The following CDC37 variants were observed in gnomAD, a reference collection of about 807,000 sequenced individuals.
The protein encoded by CDC37 is cell division cycle 37, HSP90 cochaperone.
A neutral mutation model predicts 46.9 loss-of-function variants in CDC37; 9 were observed. That is an observed-to-expected ratio of 0.19 (90% CI 0.12 to 0.33). The LOEUF (loss-of-function observed/expected upper bound fraction) is 0.33, where lower values mean the gene tolerates loss of function less well. CDC37 is among the 10% of genes least tolerant of loss of function. The probability of loss-of-function intolerance (pLI) is 1.00; values close to 1 mark genes in which losing one functional copy is unlikely to be tolerated. For missense variants in CDC37, 388 were observed against 514.6 expected, an observed-to-expected ratio of 0.75 and a Z score of 2.38; for synonymous variants, 193 against 191.0, an observed-to-expected ratio of 1.01 and a Z score of -0.09.
chr19:10,397,574 G>C (rs1436615022), intron 1 of CDC37, among the ~76,000 whole-genome samples: 1 of 151,902 alleles, frequency 6.6e-6, no homozygotes, highest in Non-Finnish European at 1.5e-5. Flanking sequence ...CCACGCCTGG[G>C]TAATTTTGTA....
In CDC37 at chr19:10,398,556, C is replaced by T. The variant is rs1213263982; in HGVS notation, c.103-2353G>A. On this transcript the variant is annotated intron_variant, in intron 1 of 7. Coordinates refer to ENST00000222005, the MANE Select transcript of CDC37 (RefSeq NM_007065.4). The surrounding 1 kb of genome is among the most constrained non-coding windows in gnomAD (Gnocchi z 4.2). ...TCAGTTTCCTCATCTGTCAAACAGT[C>T]AACAATGCTGACTGCACAAGCTCAT... Among the ~76,000 whole-genome samples, 1 of 152,212 alleles carries T rather than the reference C, an allele frequency of 6.6e-6. No individual in the cohort carries two copies. Among genetic ancestry groups the T allele is most frequent in the Non-Finnish European group, 1.5e-5 (1 of 68,048 alleles).
chr19:10,403,535 T>A lies in CDC37; in HGVS notation c.-56A>T, dbSNP rs752470815. 2 of 1,355,346 alleles carry A rather than the reference T, an allele frequency of 1.5e-6. No homozygotes were observed. Among genetic ancestry groups the A allele is most frequent in the East Asian group, 4.6e-5 (2 of 43,374 alleles). 84.0% of individuals were successfully genotyped at this position (1,355,346 alleles called of 1,614,324 possible). A position where few individuals can be genotyped will look rare whatever the true frequency, so the allele number is the denominator to read the frequency against. On this transcript the variant is annotated 5_prime_UTR_variant, in exon 1 of 8. Transcript: ENST00000222005. Reference sequence around the variant, plus strand: ...CGGGTGGCGGCGACGGCGGCAGCAGTGGAGACTAGGAGCGCGGAGCCCCGC... The same window carrying A: ...CGGGTGGCGGCGACGGCGGCAGCAGAGGAGACTAGGAGCGCGGAGCCCCGC...
At chr19:10,395,382 A>G (rs570835276) in intron 3 of CDC37, 39 bp from the exon 4 acceptor site, 4 of 1,602,994 alleles carry the variant, frequency 2.5e-6, no homozygotes, top group Non-Finnish European at 3.4e-6. Flanking sequence ...AGGGCCCTGG[A>G]GGCAAAGGGC....
chr19:10,395,617 G>C (rs983934835), intron 2 of CDC37, 74 bp from the exon 3 acceptor site: 1 of 1,183,572 alleles, frequency 8.4e-7, no homozygotes, highest in East Asian at 2.3e-5. Flanking sequence ...GGCGGGCCGT[G>C]GTCGCAGCGC....
At chr19:10,395,904 G>GGGGCC in intron 2 of CDC37, 24 bp downstream of exon 2, 6 of 1,541,892 alleles carry the variant, frequency 3.9e-6, no homozygotes, top group Non-Finnish European at 5.3e-6. Flanking sequence ...CATGCGCACT[G>GGGGCC]CCCGCCCCGC....
chr19:10,392,117 A>C (rs28668271), intron 7 of CDC37, among the ~76,000 whole-genome samples: 7,291 of 152,240 alleles, frequency 0.048, 577 homozygotes, highest in African/African-American at 0.17. Context: ...TTTAAATTTT[A>C]TTTAACTTTA....
intron 5 of CDC37, among the ~76,000 whole-genome samples, chr19:10,394,558 T>C (rs931063536): frequency 6.6e-6 from 1 of 152,020 alleles, no homozygotes; most frequent in Admixed American, 6.6e-5. Flanking sequence ...ATTTTTGAGA[T>C]GGAATTTCGC....
At position 10,398,811 on chromosome 19, in the gene CDC37, T is replaced by C. The variant is rs1295655746; in HGVS notation, c.103-2608A>G. 6.6e-6 allele frequency among the ~76,000 whole-genome samples: 1 copy of C among 152,166 alleles called. No individual in the cohort carries two copies. Among genetic ancestry groups the C allele is most frequent in the African/African-American group, 2.4e-5 (1 of 41,448 alleles). ...ATAACTGGGAGTGGTTGTTACTACATGGTCACAGCACCCGGCTGTGCCACT... is the reference window on the plus strand; with the variant it reads ...ATAACTGGGAGTGGTTGTTACTACACGGTCACAGCACCCGGCTGTGCCACT... On this transcript the variant is annotated intron_variant, in intron 1 of 7. Transcript: ENST00000222005. The surrounding 1 kb of genome is among the most constrained non-coding windows in gnomAD (Gnocchi z 4.2).
intron 7 of CDC37, chr19:10,392,758 C>T: frequency 2.5e-6 from 1 of 395,836 alleles, no homozygotes; most frequent in Non-Finnish European, 4.6e-6. Context: ...CAGCCCCTGC[C>T]ATGTGCTCAC....
In CDC37 at chr19:10,393,059, A is replaced by G; in HGVS notation, c.981+27T>C. On this transcript the variant is annotated intron_variant, in intron 7 of 7. Transcript: ENST00000222005. The surrounding 1 kb of genome is among the most constrained non-coding windows in gnomAD (Gnocchi z 4.9). Reference sequence around the variant, plus strand: ...TGGGGGAGACACACGGCCCGCCGGGAAGGCATGGGGCGCGGGGGTTACTCA... The same window carrying G: ...TGGGGGAGACACACGGCCCGCCGGGGAGGCATGGGGCGCGGGGGTTACTCA... 1 of 1,603,962 alleles carries G rather than the reference A, an allele frequency of 6.2e-7. No individual in the cohort carries two copies. The highest frequency in any genetic ancestry group is 8.5e-7 in the Non-Finnish European group (1 of 1,170,950).
intron 1 of CDC37, among the ~76,000 whole-genome samples, chr19:10,397,107 T>C (rs1233597192): frequency 6.6e-6 from 1 of 152,166 alleles, no homozygotes; most frequent in Non-Finnish European, 1.5e-5. Context: ...CATATGACAA[T>C]TATTTATCAC....
In CDC37 at chr19:10,396,585, C is replaced by CA. The variant is rs2042493737; in HGVS notation, c.103-383dup. Among the ~76,000 whole-genome samples, 1 of 151,980 alleles carries CA rather than the reference C, an allele frequency of 6.6e-6. No homozygotes were observed. Among genetic ancestry groups the CA allele is most frequent in the Admixed American group, 6.6e-5 (1 of 15,250 alleles). On this transcript the variant is annotated intron_variant, in intron 1 of 7. Transcript: ENST00000222005. This position sits in a 1 kb window ranked among gnomAD's most constrained non-coding sequence, Gnocchi z 5.9. ...TTTAAGAAAACAAAACAAAACAAAA[C>CA]AAAAAACAGGGTCTCACTCTGTCGT...
intron 1 of CDC37, among the ~76,000 whole-genome samples, chr19:10,400,040 T>C (rs1391278475): frequency 2.7e-5 from 4 of 150,802 alleles, no homozygotes; most frequent in Non-Finnish European, 4.4e-5. Flanking sequence ...AATCCGCTGC[T>C]GGGCTGCCAC....
intron 5 of CDC37, among the ~76,000 whole-genome samples, 169 bp downstream of exon 5, chr19:10,394,852 G>A (rs1232143805): frequency 2.0e-5 from 3 of 150,452 alleles, no homozygotes; most frequent in Non-Finnish European, 1.5e-5. Flanking sequence ...AAGTCTGGCA[G>A]AATCTGCCCA....
chr19:10,397,065 C>T (rs1045612312), intron 1 of CDC37, among the ~76,000 whole-genome samples: 1 of 152,134 alleles, frequency 6.6e-6, no homozygotes, highest in Admixed American at 6.6e-5. Flanking sequence ...TCTGGAATTC[C>T]CTGCCTCCTC....
In CDC37 at chr19:10,396,187, A is replaced by G. The variant is rs753985741; in HGVS notation, c.119T>C (p.Met40Thr). The G allele has an allele frequency of 1.9e-6, 3 of 1,613,602 alleles. No individual in the cohort carries two copies. Among genetic ancestry groups the G allele is most frequent in the African/African-American group, 1.3e-5 (1 of 74,854 alleles). The change falls in exon 2 of 8, where the codon ATG becomes ACG. Residue 40 changes from methionine to threonine, a missense_variant. By Grantham distance (81) the Met-to-Thr change is moderately conservative (BLOSUM62 -1). This residue lies in a region of CDC37 where 374 missense variants were observed against 467.4 expected (regional missense o/e 0.80). Coordinates refer to ENST00000222005, the MANE Select transcript of CDC37 (RefSeq NM_007065.4). The surrounding 1 kb of genome is among the most constrained non-coding windows in gnomAD (Gnocchi z 5.9). ...CTCCTTCTCCTTCTGGAACTGCTCC[A>G]TGCGTTCCACCCGGGCCTGCGGGCA... Reference protein sequence around the residue: ...RWRHQARVERMEQFQKEKEEL... With the variant: ...RWRHQARVERTEQFQKEKEEL...
At chr19:10,391,740 C>T (rs1020125518) in intron 7 of CDC37, 34 bp from the exon 8 acceptor site, 29 of 1,603,872 alleles carry the variant, frequency 1.8e-5, no homozygotes, top group East Asian at 1.8e-4. Flanking sequence ...GAGGTGGGGC[C>T]GCCAGCCGGT....
chr19:10,395,684 C>A (rs751026992), intron 2 of CDC37, 141 bp from the exon 3 acceptor site: 2 of 829,910 alleles, frequency 2.4e-6, no homozygotes, highest in Non-Finnish European at 2.0e-6. Flanking sequence ...GTGGCGGGAG[C>A]GTGGGCATGG....
intron 7 of CDC37, 128 bp downstream of exon 7, chr19:10,392,958 C>A (rs557183963): frequency 1.9e-5 from 15 of 773,492 alleles, no homozygotes; most frequent in East Asian, 1.2e-4. Context: ...CAAGGTGACA[C>A]GACCCCCCTT....
Sources: gnomAD v4.1 joint callset for allele counts (sites outside exome capture counted in the v4.1 genomes callset) on GRCh38, gnomAD v4.1.1 for gene constraint, gnomAD v4.1.1 regional missense constraint, Gnocchi (gnomAD v3.1) non-coding constraint, MANE v1.5 for transcripts, NCBI Gene and HGNC (gene_info 2026-07-23, HGNC 2026-07-21) for gene names.